DMD: variants seen among roughly 807,000 people sequenced by gnomAD.
DMD encodes the protein dystrophin.
In DMD, 63 loss-of-function variants were observed where a neutral mutation model predicts 330.1. The ratio of observed to expected loss-of-function variants is 0.19; its 90% CI spans 0.16 to 0.24. The LOEUF is 0.24. DMD is among the 10% of genes least tolerant of loss of function. The pLI is 1.00. For synonymous variants in DMD, 1,223 were observed against 959.8 expected (o/e 1.27, Z -5.07); for missense variants, 3,344 against 2,684.1 (o/e 1.25, Z -5.43).
chrX:32,126,293 A>G, intron 44 of DMD, among the ~76,000 whole-genome samples: 1 of 112,289 alleles, frequency 8.9e-6, no homozygotes, highest in Non-Finnish European at 1.9e-5. Flanking sequence ...TGATTAGGTA[A>G]AATGGTCTGA....
At chrX:31,780,400 T>G (rs1363962983) in intron 50 of DMD, among the ~76,000 whole-genome samples, 1 of 112,280 alleles carries the variant, frequency 8.9e-6, no homozygotes, top group Non-Finnish European at 1.9e-5. Flanking sequence ...CTGTTAGATA[T>G]TCCCTTCCTC....
chrX:32,700,885 C>T (rs1003539578), intron 7 of DMD, among the ~76,000 whole-genome samples: 4 of 111,502 alleles, frequency 3.6e-5, no homozygotes, highest in East Asian at 5.6e-4. Flanking sequence ...GTCTCAAGTC[C>T]GTTAGCACAA....
At chrX:31,435,694 A>G (rs1007636509) in intron 60 of DMD, 3 of 111,629 alleles carry the variant, frequency 2.7e-5, no homozygotes, top group African/African-American at 6.5e-5. Flanking sequence ...AGGAGTCGGG[A>G]ATCTTACTGG....
intron 7 of DMD, among the ~76,000 whole-genome samples, chrX:32,712,551 A>G (rs776724537): frequency 4.1e-4 from 46 of 111,676 alleles, no homozygotes; most frequent in Admixed American, 3.2e-3. Flanking sequence ...TAATAAGAAG[A>G]TATTTGTACT....
chrX:31,955,495 T>A (rs749556840), intron 45 of DMD, among the ~76,000 whole-genome samples: 1 of 112,132 alleles, frequency 8.9e-6, no homozygotes, highest in Non-Finnish European at 1.9e-5. Flanking sequence ...GTGCTTAATG[T>A]GGTAATTTGT....
chrX:31,356,365 T>C (rs1392043398), intron 60 of DMD, among the ~76,000 whole-genome samples: 2 of 111,119 alleles, frequency 1.8e-5, no homozygotes, highest in African/African-American at 6.6e-5. Context: ...CCCTCCTTTT[T>C]CTGTCCTTTC....
At chrX:32,934,952 G>A (rs2089879411) in intron 2 of DMD, among the ~76,000 whole-genome samples, 1 of 112,989 alleles carries the variant, frequency 8.9e-6, no homozygotes, top group South Asian at 3.6e-4. Flanking sequence ...TTTCTGGAGT[G>A]TTGTCTAATA....
intron 9 of DMD, among the ~76,000 whole-genome samples, chrX:32,661,849 T>A (rs1238885099): frequency 8.9e-6 from 1 of 111,758 alleles, no homozygotes; most frequent in Non-Finnish European, 1.9e-5. Flanking sequence ...ACTCACATTT[T>A]AAATTTTAAA....
chrX:31,120,554 T>TA lies in DMD; in HGVS notation c.*1364dup, dbSNP rs1485052760. The TA allele has an allele frequency of 1.8e-5, 2 of 112,008 alleles. No individual in the cohort carries two copies. The highest frequency in any genetic ancestry group is 6.5e-5 in the African/African-American group (2 of 30,872). 9.2% of individuals were successfully genotyped at this position (112,008 alleles called of 1,213,427 possible). A position where few individuals can be genotyped will look rare whatever the true frequency, so the allele number is the denominator to read the frequency against. ...CTCATCCCACATGGGACAATAAATCTAAAAAAGCAACAAAAACCAAACCAC... is the reference window on the plus strand; with the variant it reads ...CTCATCCCACATGGGACAATAAATCTAAAAAAAGCAACAAAAACCAAACCAC... On this transcript the variant is annotated 3_prime_UTR_variant, in exon 79 of 79. Coordinates refer to ENST00000357033, the MANE Select transcript of DMD (RefSeq NM_004006.3).
intron 44 of DMD, among the ~76,000 whole-genome samples, chrX:32,129,836 A>G (rs2096681747): frequency 9.1e-6 from 1 of 109,911 alleles, no homozygotes; most frequent in Non-Finnish European, 1.9e-5. Context: ...AGTTTGGGTC[A>G]TTTTAAAGGG....
Position 32,468,517 on chromosome X carries a change from T to C in DMD, c.3143A>G (p.Asn1048Ser), listed in dbSNP as rs367906493. Residue 1048 changes from asparagine to serine, a missense_variant, in exon 23 of 79, where the codon AAT becomes AGT. Physicochemically the swap from Asn to Ser is conservative, Grantham distance 46 (BLOSUM62 1). Transcript: ENST00000357033. ...AATTACCTGAATTTTTCGGAGTTTA[T>C]TCATTTGCTCCTCTAGCTTTTGACA... ...EHCQKLEEQMNKLRKIQNHIQ... is the reference protein window; with the variant it reads ...EHCQKLEEQMSKLRKIQNHIQ... 2 of 1,208,036 alleles carry C rather than the reference T, an allele frequency of 1.7e-6. No individual in the cohort carries two copies. Among genetic ancestry groups the C allele is most frequent in the Non-Finnish European group, 1.1e-6 (1 of 893,261 alleles).
At chrX:33,241,951 A>G (rs894545386) in intron 1 of DMD, among the ~76,000 whole-genome samples, 6 of 111,011 alleles carry the variant, frequency 5.4e-5, no homozygotes, top group Non-Finnish European at 1.1e-4. Flanking sequence ...TAGTAGAGAC[A>G]GGGCTTCACC....
intron 50 of DMD, among the ~76,000 whole-genome samples, chrX:31,807,675 A>T (rs2092334018): frequency 8.9e-6 from 1 of 112,138 alleles, no homozygotes; most frequent in South Asian, 3.7e-4. Flanking sequence ...ACCCACGGAG[A>T]TTTAATAAAA....
At chrX:32,085,678 G>GTATATATACATATATA (rs1401395119) in intron 44 of DMD, among the ~76,000 whole-genome samples, 2 of 52,125 alleles carry the variant, frequency 3.8e-5, no homozygotes, top group African/African-American at 1.6e-4. Context: ...ATATACACAC[G>GTATATATACATATATA]CGTATATATA....
intron 43 of DMD, among the ~76,000 whole-genome samples, chrX:32,275,871 T>C (rs1243388710): frequency 1.8e-5 from 2 of 111,365 alleles, no homozygotes; most frequent in African/African-American, 3.3e-5. Flanking sequence ...GTAACAACTA[T>C]GAGCAGACAG....
chrX:32,402,111 A>C (rs919052683), intron 30 of DMD, among the ~76,000 whole-genome samples: 1 of 111,812 alleles, frequency 8.9e-6, no homozygotes, highest in South Asian at 3.7e-4. Context: ...AACAATGGGA[A>C]CATTATGATA....
intron 76 of DMD, among the ~76,000 whole-genome samples, chrX:31,138,680 A>AGT (rs1255113373): frequency 4.9e-5 from 2 of 40,491 alleles, no homozygotes; most frequent in East Asian, 1.5e-3. Context: ...AGAGAGAGAG[A>AGT]GAGAGAGAAG....
chrX:33,300,098 C>G (rs886537797), intron 1 of DMD, among the ~76,000 whole-genome samples: 1 of 112,288 alleles, frequency 8.9e-6, no homozygotes, highest in African/African-American at 3.2e-5. Context: ...CCTATATATT[C>G]CCAGTGGAAA....
intron 11 of DMD, among the ~76,000 whole-genome samples, chrX:32,629,294 T>C (rs986057152): frequency 8.9e-6 from 1 of 112,159 alleles, no homozygotes; most frequent in Admixed American, 9.5e-5. Flanking sequence ...TTTATAGTTT[T>C]TGTCTTGAAA....
Sources: gnomAD v4.1 joint callset for allele counts (sites outside exome capture counted in the v4.1 genomes callset) on GRCh38, gnomAD v4.1.1 for gene constraint, MANE v1.5 for transcripts, NCBI Gene and HGNC (gene_info 2026-07-23, HGNC 2026-07-21) for gene names.